RFX3: variants seen among roughly 807,000 people sequenced by gnomAD.
The protein encoded by RFX3 is transcription factor RFX3.
RFX3 carries 14 observed loss-of-function variants against 98.6 expected under a neutral mutation model. The observed-to-expected ratio is 0.14, with a 90% confidence interval of 0.09 to 0.22. RFX3 has a LOEUF of 0.22. Among genes scored for constraint, RFX3 ranks in the 10% least tolerant of loss-of-function variants. The pLI, the probability that RFX3 is intolerant of heterozygous loss-of-function variation, is 1.00. For synonymous variants in RFX3, 383 were observed against 328.4 expected (o/e 1.17, Z -1.80); for missense variants, 639 against 926.9 (o/e 0.69, Z 4.03).
chr9:3,263,568 C>A (rs1176483594), intron 12 of RFX3, among the ~76,000 whole-genome samples: 1 of 152,122 alleles, frequency 6.6e-6, no homozygotes, highest in African/African-American at 2.4e-5. Context: ...GAGAGCATTA[C>A]CATTCAGATT....
At chr9:3,469,336 A>G (rs769133448) in intron 1 of RFX3, among the ~76,000 whole-genome samples, 1 of 152,204 alleles carries the variant, frequency 6.6e-6, no homozygotes, top group Admixed American at 6.5e-5. Context: ...TAGTACCATT[A>G]GAATCTAGAA....
chr9:3,247,975 T>TA (rs1468674635), intron 15 of RFX3, 57 bp downstream of exon 15: 1 of 1,613,856 alleles, frequency 6.2e-7, no homozygotes, highest in African/African-American at 1.3e-5. Context: ...GACTGAAGTG[T>TA]AATTCTGGCT....
intron 1 of RFX3, among the ~76,000 whole-genome samples, chr9:3,500,294 G>A (rs528448963): frequency 3.0e-4 from 46 of 152,252 alleles, no homozygotes; most frequent in African/African-American, 1.1e-3. Flanking sequence ...GAGCAAATGG[G>A]AGAAAAGAGG....
chr9:3,258,187 A>C (rs1020359614), intron 13 of RFX3, among the ~76,000 whole-genome samples: 1 of 152,180 alleles, frequency 6.6e-6, no homozygotes, highest in Non-Finnish European at 1.5e-5. Context: ...AATGAAATTT[A>C]ATGAAAAATT....
intron 2 of RFX3, among the ~76,000 whole-genome samples, chr9:3,382,735 A>G (rs1248733156): frequency 6.6e-6 from 1 of 152,136 alleles, no homozygotes; most frequent in Non-Finnish European, 1.5e-5. Context: ...GTGTTTTTCA[A>G]ACAAATTTAT....
chr9:3,325,025 C>G (rs909864592), intron 4 of RFX3, among the ~76,000 whole-genome samples: 1 of 151,942 alleles, frequency 6.6e-6, no homozygotes, highest in Non-Finnish European at 1.5e-5. Context: ...CTGGTTGCCT[C>G]TAAGGATGAG....
At chr9:3,281,908 GT>G (rs1274190121) in intron 7 of RFX3, among the ~76,000 whole-genome samples, 1 of 151,772 alleles carries the variant, frequency 6.6e-6, no homozygotes, top group Non-Finnish European at 1.5e-5. Context: ...ACAGCACCAG[GT>G]GGAAGGATTT....
At chr9:3,464,167 G>A (rs1169707493) in intron 1 of RFX3, among the ~76,000 whole-genome samples, 1 of 152,162 alleles carries the variant, frequency 6.6e-6, no homozygotes, top group Non-Finnish European at 1.5e-5. Flanking sequence ...CAAGGATGTA[G>A]AGCAACTGCC....
At chr9:3,256,628 G>C (rs1822182102) in intron 14 of RFX3, among the ~76,000 whole-genome samples, 1 of 152,180 alleles carries the variant, frequency 6.6e-6, no homozygotes, top group African/African-American at 2.4e-5. Flanking sequence ...GGAGACTAGT[G>C]TTAGGCCTCA....
At chr9:3,473,902 A>G (rs191383571) in intron 1 of RFX3, among the ~76,000 whole-genome samples, 79 of 152,342 alleles carry the variant, frequency 5.2e-4, no homozygotes, top group African/African-American at 1.9e-3. Context: ...AAGATAAGAG[A>G]AATATTTTTA....
At chr9:3,327,870 T>C (rs773278069) in intron 4 of RFX3, among the ~76,000 whole-genome samples, 2 of 149,278 alleles carry the variant, frequency 1.3e-5, no homozygotes, top group Admixed American at 6.7e-5. Flanking sequence ...CATACCTACA[T>C]AGAAAGTGTA....
intron 1 of RFX3, among the ~76,000 whole-genome samples, chr9:3,504,129 T>A (rs1410062650): frequency 8.0e-6 from 1 of 125,214 alleles, no homozygotes; most frequent in East Asian, 2.0e-4. Context: ...CCCTCTCTCT[T>A]TATATATATT....
chr9:3,288,173 T>G lies in RFX3; in HGVS notation c.809A>C (p.Gln270Pro), dbSNP rs1336800399. The change falls in exon 7 of 17, where the codon CAG becomes CCG. Residue 270 changes from glutamine (Q) to proline (P), a missense_variant. Transcript: ENST00000617270. ...GGGTTGTTGTCTCATAGCCATATAC[T>G]GCATGTCTTCTTGCAGACGATTAAG... is the stretch of plus-strand genomic sequence containing the variant. ...SPLNRLQEDM[Q>P]YMAMRQQPMQ... is the part of the protein sequence containing the mutation. The G allele has an allele frequency of 6.2e-7, 1 of 1,612,748 alleles. No homozygotes were observed. Among genetic ancestry groups the G allele is most frequent in the Admixed American group, 1.7e-5 (1 of 59,944 alleles).
intron 2 of RFX3, among the ~76,000 whole-genome samples, chr9:3,349,008 CT>C (rs1448912658): frequency 6.6e-6 from 1 of 152,094 alleles, no homozygotes; most frequent in Non-Finnish European, 1.5e-5. Flanking sequence ...CCCATTAATG[CT>C]TGCTGCTAGG....
chr9:3,266,508 T>C (rs1436667901), intron 11 of RFX3, among the ~76,000 whole-genome samples: 2 of 152,050 alleles, frequency 1.3e-5, no homozygotes, highest in African/African-American at 4.8e-5. Context: ...CTTTTAAAGT[T>C]ATTTTGTTCC....
intron 7 of RFX3, among the ~76,000 whole-genome samples, chr9:3,280,844 G>A (rs1381987492): frequency 6.6e-6 from 1 of 151,614 alleles, no homozygotes; most frequent in Non-Finnish European, 1.5e-5. Context: ...GGAGCCTGTT[G>A]GTCCCAAATA....
chr9:3,273,406 A>G lies in RFX3; in HGVS notation c.1086+2094T>C, dbSNP rs980504579. Among the ~76,000 whole-genome samples, 15 of 152,320 alleles carry G rather than the reference A, an allele frequency of 9.8e-5. No homozygotes were observed. In the East Asian group the frequency reaches 2.9e-3, roughly 29 times the overall value. ...ATGTCCCTATTTCTTCATAAAAAGT[A>G]TATTTTTGAAAATGGTATGTTAATA... On this transcript the variant is annotated intron_variant, in intron 9 of 16. Coordinates refer to ENST00000617270, the MANE Select transcript of RFX3 (RefSeq NM_001282116.2).
At chr9:3,478,206 A>T (rs1016452211) in intron 1 of RFX3, among the ~76,000 whole-genome samples, 1 of 151,748 alleles carries the variant, frequency 6.6e-6, no homozygotes, top group Non-Finnish European at 1.5e-5. Context: ...GTTTCTTTGC[A>T]TTTCTCAATT....
chr9:3,501,134 C>G (rs555383383), intron 1 of RFX3, among the ~76,000 whole-genome samples: 17 of 152,274 alleles, frequency 1.1e-4, no homozygotes, highest in Non-Finnish European at 5.9e-5. Flanking sequence ...TTCCACCATG[C>G]AATTAGCCTC....
Sources: gnomAD v4.1 joint callset for allele counts (sites outside exome capture counted in the v4.1 genomes callset) on GRCh38, gnomAD v4.1.1 for gene constraint, MANE v1.5 for transcripts, NCBI Gene and HGNC (gene_info 2026-07-23, HGNC 2026-07-21) for gene names.